NSL1: variants seen among roughly 807,000 people sequenced by gnomAD.
The protein encoded by NSL1 is kinetochore-associated protein NSL1 homolog.
NSL1 carries 11 observed loss-of-function variants against 25.4 expected under a neutral mutation model. That is an observed-to-expected ratio of 0.43 (90% CI 0.27 to 0.72). The LOEUF (loss-of-function observed/expected upper bound fraction) is 0.72, where lower values mean the gene tolerates loss of function less well. Among genes scored for constraint, NSL1 ranks in the 30% least tolerant of loss-of-function variants. NSL1 has a pLI of 0.19. For missense variants in NSL1, 330 were observed against 342.7 expected, an observed-to-expected ratio of 0.96 and a Z score of 0.29; for synonymous variants, 118 against 120.6, an observed-to-expected ratio of 0.98 and a Z score of 0.14.
chr1:212,784,709 G>C (rs1363308300), intron 2 of NSL1, among the ~76,000 whole-genome samples: 3 of 152,170 alleles, frequency 2.0e-5, no homozygotes, highest in African/African-American at 7.2e-5. Context: ...GCCTAAACAA[G>C]AGAAATACAA....
chr1:212,737,802 T>C lies in NSL1; in HGVS notation c.*606A>G. The C allele has an allele frequency of 1.0e-6, 1 of 985,400 alleles. No individual in the cohort carries two copies. The highest frequency in any genetic ancestry group is 1.2e-6 in the Non-Finnish European group (1 of 829,908). The allele number at this position is 985,400 out of a possible 1,614,324, so 61.0% of individuals were successfully genotyped here. A position where few individuals can be genotyped will look rare whatever the true frequency, so the allele number is the denominator to read the frequency against. On this transcript the variant is annotated 3_prime_UTR_variant, in exon 6 of 6. Transcript: ENST00000366977. ...ATTTCAAAGAGTAATGTTGCACAAATAATAGTTATCATTGTCTTACACAAC... is the reference window on the plus strand; with the variant it reads ...ATTTCAAAGAGTAATGTTGCACAAACAATAGTTATCATTGTCTTACACAAC...
In NSL1 at chr1:212,729,656, T is replaced by C. The variant is rs565017319; in HGVS notation, c.*8752A>G. 4 of 985,422 alleles carry C rather than the reference T, an allele frequency of 4.1e-6. No individual in the cohort carries two copies. The highest frequency in any genetic ancestry group is 9.4e-5 in the South Asian group (2 of 21,290). The allele number at this position is 985,422 out of a possible 1,614,324, so 61.0% of individuals were successfully genotyped here. ...ACAAGTCAGAGAGAATTCGAACACT[T>C]ATTTTAACCTTTTCACCAAATTTTT... is the stretch of plus-strand genomic sequence containing the variant. On this transcript the variant is annotated 3_prime_UTR_variant, in exon 6 of 6. Coordinates refer to ENST00000366977, the MANE Select transcript of NSL1 (RefSeq NM_015471.4).
intron 4 of NSL1, among the ~76,000 whole-genome samples, chr1:212,740,605 A>T (rs1658460271): frequency 6.6e-6 from 1 of 152,110 alleles, no homozygotes; most frequent in African/African-American, 2.4e-5. Flanking sequence ...AAATGTATAG[A>T]CAGTAAGTTC....
Position 212,728,028 on chromosome 1 carries a change from C to T in NSL1, c.*10380G>A. On this transcript the variant is annotated 3_prime_UTR_variant, in exon 6 of 6. Coordinates refer to ENST00000366977, the MANE Select transcript of NSL1 (RefSeq NM_015471.4). ...GAGTTTGTGGTCAGAAGGCCTCGCT[C>T]TGCTCTACATGGTCTATAGACCGCT... 1 of 985,454 alleles carries T rather than the reference C, an allele frequency of 1.0e-6. No individual in the cohort carries two copies. Among genetic ancestry groups the T allele is most frequent in the Non-Finnish European group, 1.2e-6 (1 of 829,942 alleles). The allele number at this position is 985,454 out of a possible 1,614,324, so 61.0% of individuals were successfully genotyped here. A position where few individuals can be genotyped will look rare whatever the true frequency, so the allele number is the denominator to read the frequency against.
chr1:212,765,801 T>C, intron 4 of NSL1, among the ~76,000 whole-genome samples: 1 of 149,234 alleles, frequency 6.7e-6, no homozygotes, highest in East Asian at 2.0e-4. Flanking sequence ...TCAGGCTCTG[T>C]CTTTAAAAAA....
chr1:212,779,515 T>G (rs1332080638), intron 4 of NSL1, among the ~76,000 whole-genome samples: 1 of 85,486 alleles, frequency 1.2e-5, no homozygotes, highest in African/African-American at 5.0e-5. Context: ...GGTGGGGGGG[T>G]CAGCCCCCCG....
intron 4 of NSL1, among the ~76,000 whole-genome samples, chr1:212,761,279 G>A (rs1367596619): frequency 2.0e-5 from 3 of 152,194 alleles, no homozygotes; most frequent in Non-Finnish European, 4.4e-5. Flanking sequence ...GACAGGCATT[G>A]TGGCTCACCC....
chr1:212,791,507 G>T (rs776972562), intron 1 of NSL1, 23 bp downstream of exon 1: 6 of 1,595,486 alleles, frequency 3.8e-6, no homozygotes, highest in Non-Finnish European at 5.1e-6. Flanking sequence ...GATGAGTAAA[G>T]AACTGGCTAA....
rs1658061035 is a variant in NSL1, at chr1:212,732,395, C to A, written c.*6013G>T. ...TGGCGTGATCTTGGCTCACTGCAAC[C>A]TCTGCCTCCTGGGTTCAAGCGATTC... On this transcript the variant is annotated 3_prime_UTR_variant, in exon 6 of 6. Coordinates refer to ENST00000366977, the MANE Select transcript of NSL1 (RefSeq NM_015471.4). 2 of 507,592 alleles carry A rather than the reference C, an allele frequency of 3.9e-6. No homozygotes were observed. The highest frequency in any genetic ancestry group is 5.1e-6 in the Non-Finnish European group (2 of 394,806). 31.4% of individuals were successfully genotyped at this position (507,592 alleles called of 1,614,324 possible). A position where few individuals can be genotyped will look rare whatever the true frequency, so the allele number is the denominator to read the frequency against.
At chr1:212,744,696 G>A (rs1310712317) in intron 4 of NSL1, among the ~76,000 whole-genome samples, 1 of 152,138 alleles carries the variant, frequency 6.6e-6, no homozygotes, top group Admixed American at 6.5e-5. Flanking sequence ...AAATTCTGGA[G>A]CTAAAAAGTA....
In NSL1 at chr1:212,736,181, G is replaced by A. The variant is rs1185301495; in HGVS notation, c.*2227C>T. On this transcript the variant is annotated 3_prime_UTR_variant, in exon 6 of 6. Transcript: ENST00000366977. ...GCCTCCTGGGTGGCTGGGACTACAGGTGTGTGCCATCACACCCTGCTAATT... is the reference window on the plus strand; with the variant it reads ...GCCTCCTGGGTGGCTGGGACTACAGATGTGTGCCATCACACCCTGCTAATT... The A allele has an allele frequency of 2.7e-5, 16 of 600,158 alleles. No homozygotes were observed. Among genetic ancestry groups the A allele is most frequent in the Non-Finnish European group, 3.3e-5 (16 of 477,878 alleles). The allele number at this position is 600,158 out of a possible 1,614,324, so 37.2% of individuals were successfully genotyped here.
rs1389087593 is a variant in NSL1, at chr1:212,729,251, T to C, written c.*9157A>G. On this transcript the variant is annotated 3_prime_UTR_variant, in exon 6 of 6. Coordinates refer to ENST00000366977, the MANE Select transcript of NSL1 (RefSeq NM_015471.4). Reference sequence around the variant, plus strand: ...AGCAGAAGTGCAGGTTTGCTTGGGCTCCTAGCCTCTCCCTCAGCTCCCTCT... The same window carrying C: ...AGCAGAAGTGCAGGTTTGCTTGGGCCCCTAGCCTCTCCCTCAGCTCCCTCT... The C allele has an allele frequency of 1.0e-6, 1 of 985,314 alleles. No homozygotes were observed. Among genetic ancestry groups the C allele is most frequent in the Non-Finnish European group, 1.2e-6 (1 of 829,934 alleles). 61.0% of individuals were successfully genotyped at this position (985,314 alleles called of 1,614,324 possible).
intron 4 of NSL1, among the ~76,000 whole-genome samples, chr1:212,781,584 G>C (rs927213625): frequency 2.0e-4 from 30 of 152,156 alleles, no homozygotes; most frequent in Non-Finnish European, 2.5e-4. Flanking sequence ...TTTGGGGAAG[G>C]TGGAGGAACA....
At chr1:212,771,536 T>C (rs1660111118) in intron 4 of NSL1, among the ~76,000 whole-genome samples, 1 of 138,694 alleles carries the variant, frequency 7.2e-6, no homozygotes, top group Non-Finnish European at 1.5e-5. Context: ...GCTTCCAAAC[T>C]GGAAATGAGG....
chr1:212,783,059 C>A (rs1268661311), intron 3 of NSL1, among the ~76,000 whole-genome samples: 1 of 152,092 alleles, frequency 6.6e-6, no homozygotes, highest in Non-Finnish European at 1.5e-5. Context: ...GTAATTGCAG[C>A]ACTTTGGGAG....
At position 212,731,596 on chromosome 1, in the gene NSL1, T is replaced by C. The variant is rs1347248438; in HGVS notation, c.*6812A>G. 2.0e-6 allele frequency: 2 copies of C among 985,342 alleles called. No individual in the cohort carries two copies. The highest frequency in any genetic ancestry group is 2.4e-6 in the Non-Finnish European group (2 of 829,950). The allele number at this position is 985,342 out of a possible 1,614,324, so 61.0% of individuals were successfully genotyped here. A position where few individuals can be genotyped will look rare whatever the true frequency, so the allele number is the denominator to read the frequency against. ...GCTTCTATCAAAAATTATCAGTCCC[T>C]GGCCCAGTTCCCCCACCTAAGTTCA... On this transcript the variant is annotated 3_prime_UTR_variant, in exon 6 of 6. Coordinates refer to ENST00000366977, the MANE Select transcript of NSL1 (RefSeq NM_015471.4).
At chr1:212,783,883 A>T (rs541393694) in intron 3 of NSL1, among the ~76,000 whole-genome samples, 3 of 152,206 alleles carry the variant, frequency 2.0e-5, no homozygotes, top group African/African-American at 7.2e-5. Context: ...TGATTTTTGC[A>T]GCAAAACAAA....
At position 212,757,116 on chromosome 1, in the gene NSL1, G is replaced by A. The variant is rs1659348567; in HGVS notation, c.500-17515C>T. ...CGGAGAGCAGTTTCAAATACAGGGA[G>A]TTGCGAGTATGAAAGTCGTAGGGCC... On this transcript the variant is annotated intron_variant, in intron 4 of 5. Coordinates refer to ENST00000366977, the MANE Select transcript of NSL1 (RefSeq NM_015471.4). 4.6e-5 allele frequency among the ~76,000 whole-genome samples: 7 copies of A among 152,164 alleles called. No individual in the cohort carries two copies. In the South Asian group the frequency reaches 1.2e-3, roughly 27 times the overall value.
Position 212,787,649 on chromosome 1 carries a change from T to A in NSL1, c.235-12A>T. 1 of 1,564,058 alleles carries A rather than the reference T, an allele frequency of 6.4e-7. No individual in the cohort carries two copies. Among genetic ancestry groups the A allele is most frequent in the South Asian group, 1.2e-5 (1 of 84,292 alleles). ...GCTGATTCAAAAGTCTGCAATAAAT[T>A]CACAGTAGTCAAGTCACTAAAAATA... On this transcript the variant is annotated splice_polypyrimidine_tract_variant and intron_variant, in intron 1 of 5. Coordinates refer to ENST00000366977, the MANE Select transcript of NSL1 (RefSeq NM_015471.4).
Sources: gnomAD v4.1 joint callset for allele counts (sites outside exome capture counted in the v4.1 genomes callset) on GRCh38, gnomAD v4.1.1 for gene constraint, MANE v1.5 for transcripts, NCBI Gene and HGNC (gene_info 2026-07-23, HGNC 2026-07-21) for gene names.